RAPGEF2: variants seen among roughly 807,000 people sequenced by gnomAD.
RAPGEF2 encodes the protein PDZ domain containing guanine nucleotide exchange factor (GEF) 1.
RAPGEF2 carries 54 observed loss-of-function variants against 186.7 expected under a neutral mutation model. The observed-to-expected ratio is 0.29, with a 90% CI of 0.23 to 0.36. The LOEUF is 0.36. Among genes scored for constraint, RAPGEF2 ranks in the 10% least tolerant of loss-of-function variants. The pLI is 1.00. For missense variants in RAPGEF2, 1,532 were observed against 2,045.0 expected (o/e 0.75, Z 4.84); for synonymous variants, 712 against 705.9 (o/e 1.01, Z -0.14).
chr4:159,229,225 C>G (rs890161272), intron 4 of RAPGEF2: 1 of 152,142 alleles, frequency 6.6e-6, no homozygotes, highest in Non-Finnish European at 1.5e-5. Context: ...TGTGTATTCC[C>G]TTGCTGGGTG....
chr4:159,332,880 C>A, intron 17 of RAPGEF2, 183 bp downstream of exon 17: 2 of 561,860 alleles, frequency 3.6e-6, no homozygotes, highest in Non-Finnish European at 5.8e-6. Context: ...ACTTATTTGG[C>A]TACTCCCAAT....
chr4:159,132,678 A>G (rs1207613795), intron 1 of RAPGEF2, among the ~76,000 whole-genome samples: 2 of 151,664 alleles, frequency 1.3e-5, no homozygotes, highest in Non-Finnish European at 2.9e-5. Flanking sequence ...CACACTCCTT[A>G]TTTTCTTCAT....
chr4:159,104,683 C>T (rs1737677462), intron 1 of RAPGEF2, among the ~76,000 whole-genome samples: 1 of 152,072 alleles, frequency 6.6e-6, no homozygotes, highest in Non-Finnish European at 1.5e-5. Context: ...ACTCTTGCTC[C>T]CTCTGACTCC....
chr4:159,136,133 G>A (rs539330731), intron 1 of RAPGEF2, among the ~76,000 whole-genome samples: 1 of 152,268 alleles, frequency 6.6e-6, no homozygotes, highest in South Asian at 2.1e-4. Context: ...CCAGGTGTAC[G>A]ATATTGCATT....
At chr4:159,105,056 C>T (rs1347953175) in intron 1 of RAPGEF2, among the ~76,000 whole-genome samples, 2 of 152,182 alleles carry the variant, frequency 1.3e-5, no homozygotes, top group Non-Finnish European at 1.5e-5. Context: ...CAGGCTTACT[C>T]TTCTCTTACT....
intron 17 of RAPGEF2, among the ~76,000 whole-genome samples, chr4:159,337,665 G>A (rs955409462): frequency 2.0e-5 from 3 of 151,490 alleles, no homozygotes; most frequent in Non-Finnish European, 2.9e-5. Context: ...CAAGACAGGC[G>A]GATCACAAGG....
Position 159,339,120 on chromosome 4 carries a change from C to T in RAPGEF2, c.2300C>T (p.Pro767Leu), listed in dbSNP as rs2111249140. ...ILDFSATPDL[P>L]DQVLRVFKAD... ...TGATTTTTCTTTCCCCCAGACTTGC[C>T]AGATCAAGTGCTAAGGGTTTTTAAG... is the stretch of plus-strand genomic sequence containing the variant. Residue 767 changes from proline to leucine, a missense_variant, in exon 19 of 30, where the codon CCA (proline) becomes CTA (leucine). Transcript: ENST00000691494. 1 of 1,612,582 alleles carries T rather than the reference C, an allele frequency of 6.2e-7. No individual in the cohort carries two copies. Among genetic ancestry groups the T allele is most frequent in the Non-Finnish European group, 8.5e-7 (1 of 1,178,860 alleles).
chr4:159,214,360 G>A (rs543848277), intron 4 of RAPGEF2, among the ~76,000 whole-genome samples: 3 of 152,268 alleles, frequency 2.0e-5, no homozygotes, highest in South Asian at 4.1e-4. Context: ...ATTTTCAAAG[G>A]CATCATTTGC....
chr4:159,192,860 A>G (rs547272002), intron 2 of RAPGEF2, among the ~76,000 whole-genome samples: 1 of 152,316 alleles, frequency 6.6e-6, no homozygotes, highest in South Asian at 2.1e-4. Flanking sequence ...TTAAACTTTT[A>G]GGTTCCTTCT....
chr4:159,164,798 G>T (rs1483777962), intron 1 of RAPGEF2, among the ~76,000 whole-genome samples: 2 of 152,080 alleles, frequency 1.3e-5, no homozygotes, highest in Non-Finnish European at 2.9e-5. Context: ...AATAAATTTA[G>T]CCCAATATCA....
At chr4:159,219,447 C>T (rs908180781) in intron 4 of RAPGEF2, among the ~76,000 whole-genome samples, 3 of 146,762 alleles carry the variant, frequency 2.0e-5, no homozygotes, top group African/African-American at 7.7e-5. Context: ...GCCCCGCCTC[C>T]CGGGTTCACG....
intron 7 of RAPGEF2, among the ~76,000 whole-genome samples, chr4:159,288,308 A>G (rs72967714): frequency 0.026 from 3,900 of 152,302 alleles, 169 homozygotes; most frequent in African/African-American, 0.086. Context: ...AGCCAGTACT[A>G]AAGTATTGTA....
At chr4:159,165,963 T>C (rs1321265932) in intron 1 of RAPGEF2, among the ~76,000 whole-genome samples, 1 of 152,034 alleles carries the variant, frequency 6.6e-6, no homozygotes. Flanking sequence ...TAAAAAGTCA[T>C]TGAACAATGA....
In RAPGEF2 at chr4:159,358,343, A is replaced by G. The variant is rs1477877769; in HGVS notation, c.*204A>G. On this transcript the variant is annotated 3_prime_UTR_variant, in exon 30 of 30. Coordinates refer to ENST00000691494, the MANE Select transcript of RAPGEF2 (RefSeq NM_001394067.2). ...AATACTGTGAAGAAATTGCCCTGGC[A>G]CTTTTCAGACTTTGTTGCTTGAAAT... 9 of 547,914 alleles carry G rather than the reference A, an allele frequency of 1.6e-5. No individual in the cohort carries two copies. Among genetic ancestry groups the G allele is most frequent in the Non-Finnish European group, 2.9e-5 (9 of 311,160 alleles). The allele number at this position is 547,914 out of a possible 1,614,324, so 33.9% of individuals were successfully genotyped here.
intron 7 of RAPGEF2, among the ~76,000 whole-genome samples, chr4:159,248,602 G>A (rs894193312): frequency 1.5e-4 from 23 of 152,308 alleles, no homozygotes; most frequent in Admixed American, 3.9e-4. Context: ...AATGCAGCAT[G>A]TTAAAGCTGC....
chr4:159,154,520 A>T (rs1320325027), intron 1 of RAPGEF2, among the ~76,000 whole-genome samples: 747 of 68,122 alleles, frequency 0.011, 4 homozygotes, highest in African/African-American at 0.03. Flanking sequence ...TTTTTTTTTT[A>T]AAAAAAACAA....
In RAPGEF2 at chr4:159,356,164, T is replaced by G; in HGVS notation, c.4957+6T>G. On this transcript the variant is annotated splice_donor_region_variant and intron_variant, in intron 29 of 29. Coordinates refer to ENST00000691494, the MANE Select transcript of RAPGEF2 (RefSeq NM_001394067.2). The stretch of plus-strand genomic sequence containing the variant: ...GTTTTCCACCGAGGAGGATGGTATA[T>G]GCACATAAATATTCCTAAAACCTCC... 1 of 1,608,688 alleles carries G rather than the reference T, an allele frequency of 6.2e-7. No homozygotes were observed. The highest frequency in any genetic ancestry group is 1.1e-5 in the South Asian group (1 of 90,866).
At chr4:159,121,336 C>A (rs771384392) in intron 1 of RAPGEF2, among the ~76,000 whole-genome samples, 12 of 151,800 alleles carry the variant, frequency 7.9e-5, no homozygotes, top group Non-Finnish European at 1.5e-4. Context: ...CTCCCCTCCC[C>A]TCCCCTCCCC....
chr4:159,356,072 T>C lies in RAPGEF2; in HGVS notation c.4871T>C (p.Val1624Ala). Reference protein sequence around the residue: ...PHGHPTSSRPVNKPQWHKPNE... With the variant: ...PHGHPTSSRPANKPQWHKPNE... ...GGGCATCCCACCAGCAGCAGGCCTG[T>C]GAACAAACCTCAGTGGCATAAACCG... is the stretch of plus-strand genomic sequence containing the variant. The change falls in exon 29 of 30, where the codon GTG becomes GCG. Residue 1624 changes from valine to alanine, a missense_variant. This residue lies in a region of RAPGEF2 where 594 missense variants were observed against 608.5 expected (regional missense o/e 0.98). Transcript: ENST00000691494. The C allele has an allele frequency of 5.6e-6, 9 of 1,614,162 alleles. No homozygotes were observed. Among genetic ancestry groups the C allele is most frequent in the Non-Finnish European group, 7.6e-6 (9 of 1,180,030 alleles).
Sources: gnomAD v4.1 joint callset for allele counts (sites outside exome capture counted in the v4.1 genomes callset) on GRCh38, gnomAD v4.1.1 for gene constraint, gnomAD v4.1.1 regional missense constraint, MANE v1.5 for transcripts, NCBI Gene and HGNC (gene_info 2026-07-23, HGNC 2026-07-21) for gene names.